Variants in UEVLD observed in about 807,000 individuals in gnomAD.
UEVLD encodes ubiquitin-conjugating enzyme E2 variant 3.
In UEVLD, 47 loss-of-function variants were observed where a neutral mutation model predicts 58.6. That is an observed-to-expected ratio of 0.80 (90% CI 0.63 to 1.02). UEVLD has a LOEUF of 1.02. Among genes scored for constraint, UEVLD ranks in the 50% least tolerant of loss-of-function variants. The probability of loss-of-function intolerance (pLI) is 0.00; values close to 1 mark genes in which losing one functional copy is unlikely to be tolerated. For missense variants in UEVLD, 510 were observed against 550.6 expected (o/e 0.93, Z 0.74); for synonymous variants, 197 against 195.3 (o/e 1.01, Z -0.07).
chr11:18,562,736 A>G (rs1395156273), intron 6 of UEVLD, among the ~76,000 whole-genome samples: 2 of 150,780 alleles, frequency 1.3e-5, no homozygotes, highest in Non-Finnish European at 3.0e-5. Context: ...AAATAATGAC[A>G]GTGAGATTCT....
At chr11:18,543,390 C>A (rs1432277436) in intron 9 of UEVLD, among the ~76,000 whole-genome samples, 1 of 152,160 alleles carries the variant, frequency 6.6e-6, no homozygotes, top group African/African-American at 2.4e-5. Context: ...AACAACTAGT[C>A]CACATTTTTT....
At chr11:18,537,322 A>C (rs1850845428) in intron 9 of UEVLD, among the ~76,000 whole-genome samples, 1 of 30,372 alleles carries the variant, frequency 3.3e-5, no homozygotes, top group Non-Finnish European at 1.6e-4. Context: ...ATATATATAT[A>C]TATTTTTTTT....
At chr11:18,580,215 T>C (rs1853165554) in intron 1 of UEVLD, among the ~76,000 whole-genome samples, 2 of 152,050 alleles carry the variant, frequency 1.3e-5, no homozygotes, top group Non-Finnish European at 2.9e-5. Flanking sequence ...TTGGAGAGGA[T>C]GTAAAGAAAT....
intron 7 of UEVLD, among the ~76,000 whole-genome samples, chr11:18,550,732 T>G (rs7107204): frequency 0.014 from 2,137 of 152,342 alleles, 60 homozygotes; most frequent in African/African-American, 0.048. Context: ...ATATATTGCA[T>G]GTGTCTTTTT....
In UEVLD at chr11:18,570,277, T is replaced by A. The variant is rs767812026; in HGVS notation, c.294A>T (p.Leu98Phe). Residue 98 changes from leucine (L) to phenylalanine (F), a missense_variant, in exon 4 of 12, where the codon TTA becomes TTT. Leu to Phe is a conservative substitution (Grantham distance 22). Coordinates refer to ENST00000396197, the MANE Select transcript of UEVLD (RefSeq NM_001040697.4). ...FLKPTANMGI[L>F]VGKHVDAQGR... ...CTTGAGCATCCACATGTTTTCCGAC[T>A]AAGATTCCCATATTTGCAGTTGGCT... 4 of 1,603,498 alleles carry A rather than the reference T, an allele frequency of 2.5e-6. No individual in the cohort carries two copies. Among genetic ancestry groups the A allele is most frequent in the Non-Finnish European group, 3.4e-6 (4 of 1,176,782 alleles).
chr11:18,536,453 G>A lies in UEVLD; in HGVS notation c.1077C>T (p.Gly359=). 6.2e-7 allele frequency: 1 copy of A among 1,613,668 alleles called. No homozygotes were observed. The highest frequency in any genetic ancestry group is 1.1e-5 in the South Asian group (1 of 91,066). The change falls in exon 10 of 12, where the codon GGC becomes GGT. Residue 359 remains glycine, a synonymous_variant. Transcript: ENST00000396197. ...QGEDKVLTWS[G]QEEVVSHTSQ... is the part of the protein sequence containing the mutation. ...AGGTATGACTCACTACTTCTTCTTG[G>A]CCACTCCATGTGAGCACTAAAATTA...
chr11:18,570,829 C>T (rs1055073998), intron 3 of UEVLD: 1 of 151,082 alleles, frequency 6.6e-6, no homozygotes, highest in Admixed American at 6.6e-5. Context: ...AAGGCCTATT[C>T]CCCCCCATTT....
At chr11:18,562,038 G>A (rs1474307702) in intron 6 of UEVLD, among the ~76,000 whole-genome samples, 3 of 152,140 alleles carry the variant, frequency 2.0e-5, no homozygotes, top group Non-Finnish European at 4.4e-5. Context: ...CATAATAGTG[G>A]CCTATGAATA....
intron 7 of UEVLD, among the ~76,000 whole-genome samples, chr11:18,555,358 G>A (rs1179937442): frequency 6.6e-6 from 1 of 151,724 alleles, no homozygotes; most frequent in Admixed American, 6.6e-5. Context: ...CCCGGGAGGT[G>A]GAGCTTGCAG....
chr11:18,564,302 T>A lies in UEVLD; in HGVS notation c.612+590A>T, dbSNP rs552651827. Among the ~76,000 whole-genome samples, 7 of 152,292 alleles carry A rather than the reference T, an allele frequency of 4.6e-5. No homozygotes were observed. The East Asian group carries it at 1.3e-3, about 29-fold the overall frequency. On this transcript the variant is annotated intron_variant, in intron 6 of 11. Transcript: ENST00000396197. Reference sequence around the variant, plus strand: ...GAGGTACAGCTATTCTATTCAGGGCTACATCTCTCAAATGACAAAAGACAT... The same window carrying A: ...GAGGTACAGCTATTCTATTCAGGGCAACATCTCTCAAATGACAAAAGACAT...
Position 18,542,059 on chromosome 11 carries a change from G to A in UEVLD, c.1060+2564C>T, listed in dbSNP as rs531399805. On this transcript the variant is annotated intron_variant, in intron 9 of 11. Transcript: ENST00000396197. Reference sequence around the variant, plus strand: ...TATTTTGGGGGTCCCTGAGTGCCAAGCAATGCAATTTAATGGTTTGGTCAG... The same window carrying A: ...TATTTTGGGGGTCCCTGAGTGCCAAACAATGCAATTTAATGGTTTGGTCAG... Among the ~76,000 whole-genome samples, 15 of 152,264 alleles carry A rather than the reference G, an allele frequency of 9.9e-5. No homozygotes were observed. The East Asian group carries it at 2.9e-3, about 29-fold the overall frequency.
intron 6 of UEVLD, among the ~76,000 whole-genome samples, chr11:18,560,061 G>A (rs1851938827): frequency 8.4e-6 from 1 of 119,730 alleles, no homozygotes; most frequent in Non-Finnish European, 1.8e-5. Context: ...TTTCAGACCA[G>A]CCTGGGCAAC....
intron 2 of UEVLD, among the ~76,000 whole-genome samples, chr11:18,577,709 A>G (rs1437005645): frequency 1.3e-5 from 2 of 152,044 alleles, no homozygotes; most frequent in Non-Finnish European, 2.9e-5. Context: ...ATCTCTACTA[A>G]AAATACAAGA....
intron 9 of UEVLD, among the ~76,000 whole-genome samples, chr11:18,540,564 G>A (rs1851010719): frequency 6.6e-6 from 1 of 152,168 alleles, no homozygotes; most frequent in Non-Finnish European, 1.5e-5. Flanking sequence ...ATAGACTGGG[G>A]AGAACTACAT....
Position 18,566,367 on chromosome 11 carries a change from T to C in UEVLD, c.473A>G (p.Tyr158Cys). 6 of 1,614,104 alleles carry C rather than the reference T, an allele frequency of 3.7e-6. No homozygotes were observed. Among genetic ancestry groups the C allele is most frequent in the Non-Finnish European group, 5.1e-6 (6 of 1,180,032 alleles). Reference sequence around the variant, plus strand: ...CAAACCTTCAGTGATTTTTGCAATATAGGCTAGCAAGTCTACCTGCCGTGC... The same window carrying C: ...CAAACCTTCAGTGATTTTTGCAATACAGGCTAGCAAGTCTACCTGCCGTGC... ...DEARQVDLLA[Y>C]IAKITEGVSD... Residue 158 changes from tyrosine to cysteine, a missense_variant, in exon 5 of 12, where the codon TAT (tyrosine) becomes TGT (cysteine). Physicochemically the swap from Tyr to Cys is radical, Grantham distance 194. Transcript: ENST00000396197.
intron 9 of UEVLD, among the ~76,000 whole-genome samples, chr11:18,543,342 G>C (rs1191075052): frequency 6.6e-6 from 1 of 152,162 alleles, no homozygotes; most frequent in Non-Finnish European, 1.5e-5. Flanking sequence ...TCTTCAAAAT[G>C]TAATTTCAAT....
chr11:18,557,098 A>AT (rs1851784388), intron 7 of UEVLD, among the ~76,000 whole-genome samples: 1 of 151,836 alleles, frequency 6.6e-6, no homozygotes. Flanking sequence ...CTCAAAAAAA[A>AT]AAAAAAAAAG....
intron 8 of UEVLD, among the ~76,000 whole-genome samples, chr11:18,545,115 C>T (rs1280621869): frequency 7.0e-6 from 1 of 143,690 alleles, no homozygotes; most frequent in African/African-American, 2.6e-5. Context: ...CTCTATCGCC[C>T]AGGCTGGAGT....
rs1427812786 is a variant in UEVLD at position 18,531,686 on chromosome 11, G to A, written c.*634C>T. 1.3e-5 allele frequency: 2 copies of A among 152,112 alleles called. No individual in the cohort carries two copies. Among genetic ancestry groups the A allele is most frequent in the Non-Finnish European group, 1.5e-5 (1 of 68,010 alleles). 9.4% of individuals were successfully genotyped at this position (152,112 alleles called of 1,614,324 possible). ...AAGAGGTTATGGAAAATTTCATAAA[G>A]GAAGTCCCACTGGAAATTAAAGTAA... On this transcript the variant is annotated 3_prime_UTR_variant, in exon 12 of 12. Coordinates refer to ENST00000396197, the MANE Select transcript of UEVLD (RefSeq NM_001040697.4).
Sources: allele counts gnomAD v4.1 joint callset (sites outside exome capture counted in the v4.1 genomes callset), GRCh38; gene constraint gnomAD v4.1.1; transcripts MANE v1.5; gene names NCBI Gene and HGNC (gene_info 2026-07-23, HGNC 2026-07-21).